OSBPL9: variants seen among roughly 807,000 people sequenced by gnomAD.
OSBPL9 encodes oxysterol binding protein like 9.
OSBPL9 carries 40 observed loss-of-function variants against 106.6 expected under a neutral mutation model. The observed-to-expected ratio is 0.38, with a 90% CI of 0.29 to 0.49. OSBPL9 has a LOEUF of 0.49. Among genes scored for constraint, OSBPL9 ranks in the 20% least tolerant of loss-of-function variants. The pLI is 0.97. For synonymous variants in OSBPL9, 269 were observed against 295.4 expected, an observed-to-expected ratio of 0.91 and a Z score of 0.92; for missense variants, 609 against 887.2, an observed-to-expected ratio of 0.69 and a Z score of 3.98.
At chr1:51,563,925 A>G in the OSBPL9 span, among the ~76,000 whole-genome samples, 2 of 151,358 alleles carry the variant, frequency 1.3e-5, 1 homozygote, top group African/African-American at 4.9e-5. Flanking sequence ...ACCCCAAAGA[A>G]CTTTAAAAAT....
At position 51,632,932 on chromosome 1, in the gene OSBPL9, T is replaced by TA. The variant is rs202164139; in HGVS notation, c.111+15720dup. On this transcript the variant is annotated intron_variant, in intron 1 of 23. Coordinates refer to ENST00000428468, the MANE Select transcript of OSBPL9 (RefSeq NM_024586.6). ...ATTTTGAAGTAAAGTTAGACTTGAT[T>TA]AAAAAAAAATGAGAGTTTTTAAATT... Among the ~76,000 whole-genome samples the TA allele has an allele frequency of 9.9e-4, 149 of 151,162 alleles. 3 individuals carry two copies. The South Asian group carries it at 0.012, about 12-fold the overall frequency.
chr1:51,787,513 T>G (rs761763324), intron 23 of OSBPL9, 25 bp downstream of exon 23: 126 of 1,613,240 alleles, frequency 7.8e-5, no homozygotes, highest in Non-Finnish European at 1.0e-4. Flanking sequence ...CCCACCCTCC[T>G]AAGTGCTGTT....
Position 51,729,168 on chromosome 1 carries a change from C to T in OSBPL9, c.318+15089C>T, listed in dbSNP as rs1380918231. 6.6e-6 allele frequency: 1 copy of T among 152,222 alleles called. No individual in the cohort carries two copies. The highest frequency in any genetic ancestry group is 3.2e-3 in the Middle Eastern group (1 of 316). The allele number at this position is 152,222 out of a possible 1,614,324, so 9.4% of individuals were successfully genotyped here. On this transcript the variant is annotated intron_variant, in intron 4 of 23. Transcript: ENST00000428468. The surrounding 1 kb of genome is among the most constrained non-coding windows in gnomAD (Gnocchi z 5.1). ...TCCTTATGGAGCTGTGGCACAACAGCAAGCCCACGATGTCTCACCGGATTA... is the reference window on the plus strand; with the variant it reads ...TCCTTATGGAGCTGTGGCACAACAGTAAGCCCACGATGTCTCACCGGATTA...
intron 9 of OSBPL9, among the ~76,000 whole-genome samples, chr1:51,757,916 A>G (rs1262817931): frequency 6.6e-6 from 1 of 152,172 alleles, no homozygotes; most frequent in Non-Finnish European, 1.5e-5. Context: ...CTATATGTAC[A>G]TGTATGTGTA....
chr1:51,631,474 G>A (rs1347979302), intron 1 of OSBPL9, among the ~76,000 whole-genome samples: 1 of 152,074 alleles, frequency 6.6e-6, no homozygotes, highest in African/African-American at 2.4e-5. Context: ...CCAACAGGTC[G>A]AGGGTACAGT....
chr1:51,770,810 T>C (rs1052785029), intron 12 of OSBPL9, among the ~76,000 whole-genome samples: 8 of 152,178 alleles, frequency 5.3e-5, no homozygotes, highest in Non-Finnish European at 1.2e-4. Context: ...TATCCTAATA[T>C]TCTAGTGTTC....
At chr1:51,570,066 A>T in the OSBPL9 span, among the ~76,000 whole-genome samples, 1 of 152,206 alleles carries the variant, frequency 6.6e-6, no homozygotes, top group Admixed American at 6.5e-5. Context: ...TTCAAGAGAT[A>T]CTTGAAGACT....
Position 51,721,426 on chromosome 1 carries a change from A to G in OSBPL9, c.318+7347A>G, listed in dbSNP as rs184798754. ...CATTGTAAAACCTTTTTTTTTCCCA[A>G]AAGAAGTATCAGGTATGATAATTAC... On this transcript the variant is annotated intron_variant, in intron 4 of 23. Coordinates refer to ENST00000428468, the MANE Select transcript of OSBPL9 (RefSeq NM_024586.6). Among the ~76,000 whole-genome samples, 132 of 152,142 alleles carry G rather than the reference A, an allele frequency of 8.7e-4. 1 individual carries two copies. The highest frequency in any genetic ancestry group is 1.8e-3 in the Admixed American group (27 of 15,300).
At position 51,756,359 on chromosome 1, in the gene OSBPL9, G is replaced by A. The variant is rs747620063; in HGVS notation, c.582+1G>A. Reference sequence around the variant, plus strand: ...GGAGAAGCACGCAGATGGAATGATAGTAAGTTTAATGTAATCTTTTTGTTT... The same window carrying A: ...GGAGAAGCACGCAGATGGAATGATAATAAGTTTAATGTAATCTTTTTGTTT... On this transcript the variant is annotated splice_donor_variant, in intron 9 of 23. Coordinates refer to ENST00000428468, the MANE Select transcript of OSBPL9 (RefSeq NM_024586.6). LOFTEE classifies it high-confidence loss of function. 4 of 1,612,666 alleles carry A rather than the reference G, an allele frequency of 2.5e-6. No individual in the cohort carries two copies. The South Asian group carries it at 3.3e-5, about 13-fold the overall frequency.
intron 2 of OSBPL9, among the ~76,000 whole-genome samples, chr1:51,667,657 A>G (rs1351730853): frequency 6.6e-6 from 1 of 152,246 alleles, no homozygotes; most frequent in African/African-American, 2.4e-5. Context: ...GTATTTAGTT[A>G]TGGCTCAGGA....
At chr1:51,684,019 T>A (rs994033617) in intron 3 of OSBPL9, among the ~76,000 whole-genome samples, 1 of 152,100 alleles carries the variant, frequency 6.6e-6, no homozygotes, top group African/African-American at 2.4e-5. Context: ...TTATTTATTT[T>A]TTGAGACAGG....
intron 3 of OSBPL9, among the ~76,000 whole-genome samples, chr1:51,677,570 G>C (rs1363846464): frequency 6.7e-6 from 1 of 149,986 alleles, no homozygotes; most frequent in East Asian, 2.0e-4. Context: ...TTTTTGAGAC[G>C]GAGTCTCGCC....
chr1:51,653,196 G>GT (rs543770791), intron 2 of OSBPL9, among the ~76,000 whole-genome samples: 5,688 of 145,240 alleles, frequency 0.039, 208 homozygotes, highest in Middle Eastern at 0.1. Context: ...TCTAGTTTTT[G>GT]TTTTTTTTTT....
rs550774863 is a variant in OSBPL9, at chr1:51,742,666, G to A, written c.319-2870G>A. The stretch of plus-strand genomic sequence containing the variant: ...TGGGAGGATTCCCTGAGCTCAGGAG[G>A]TTGAGTCTGCAGTGAGCCCTGATTG... On this transcript the variant is annotated intron_variant, in intron 4 of 23. Transcript: ENST00000428468. Among the ~76,000 whole-genome samples the A allele has an allele frequency of 3.3e-5, 5 of 152,212 alleles. No homozygotes were observed. In the South Asian group the frequency reaches 1.0e-3, roughly 32 times the overall value.
the OSBPL9 span, among the ~76,000 whole-genome samples, chr1:51,530,973 T>TA: frequency 5.9e-5 from 8 of 136,644 alleles, no homozygotes; most frequent in Non-Finnish European, 1.1e-4. Flanking sequence ...GACTTTGTTG[T>TA]AAAAAAAGAA....
chr1:51,772,700 A>G lies in OSBPL9; in HGVS notation c.1147A>G (p.Arg383Gly), dbSNP rs1473184753. ...TATCATGCATCTCTTGTCGCAGGTT[A>G]GACTTGGAATGGATCTTACTAAGGT... ...SVIMHLLSQV[R>G]LGMDLTKVVL... Residue 383 changes from arginine to glycine, a missense_variant, in exon 14 of 24, where the codon AGA becomes GGA. Arg to Gly is a moderately radical substitution (Grantham distance 125). Transcript: ENST00000428468. 6.2e-7 allele frequency: 1 copy of G among 1,614,198 alleles called. No homozygotes were observed.
chr1:51,530,176 A>AAAAAAAAAAAAAAAAAC, the OSBPL9 span, among the ~76,000 whole-genome samples: 188 of 107,646 alleles, frequency 1.7e-3, 7 homozygotes, highest in Non-Finnish European at 3.1e-3. Context: ...GTCTCAAAAA[A>AAAAAAAAAAAAAAAAAC]AAAAAAAAAA....
intron 1 of OSBPL9, among the ~76,000 whole-genome samples, chr1:51,618,977 G>A (rs1644257967): frequency 6.6e-6 from 1 of 152,102 alleles, no homozygotes; most frequent in African/African-American, 2.4e-5. Flanking sequence ...TCAACTATCA[G>A]CTTTCTTTCT....
At chr1:51,606,060 G>T (rs1381532075) in intron 2 of OSBPL9, among the ~76,000 whole-genome samples, 2 of 152,146 alleles carry the variant, frequency 1.3e-5, no homozygotes, top group African/African-American at 2.4e-5. Flanking sequence ...AAATATGACC[G>T]GCTCTCACAG....
Sources: gnomAD v4.1 joint callset for allele counts (sites outside exome capture counted in the v4.1 genomes callset) on GRCh38, gnomAD v4.1.1 for gene constraint, Gnocchi (gnomAD v3.1) non-coding constraint, MANE v1.5 for transcripts, NCBI Gene and HGNC (gene_info 2026-07-23, HGNC 2026-07-21) for gene names.